Variants in DGKI observed in about 807,000 individuals in gnomAD.
DGKI encodes the protein DAG kinase iota.
A neutral mutation model predicts 147.5 loss-of-function variants in DGKI; 55 were observed. The observed-to-expected ratio is 0.37, with a 90% CI of 0.30 to 0.47. DGKI has a LOEUF of 0.47. Among genes scored for constraint, DGKI ranks in the 20% least tolerant of loss-of-function variants. The pLI is 1.00. For missense variants in DGKI, 1,007 were observed against 1,323.8 expected, an observed-to-expected ratio of 0.76 and a Z score of 3.71; for synonymous variants, 469 against 477.1, an observed-to-expected ratio of 0.98 and a Z score of 0.22.
chr7:137,687,672 G>C (rs899204741), intron 2 of DGKI, among the ~76,000 whole-genome samples: 2 of 152,156 alleles, frequency 1.3e-5, no homozygotes, highest in African/African-American at 4.8e-5. Flanking sequence ...TTTGCTTTCT[G>C]TTTGCTGACA....
At chr7:137,599,788 T>C (rs1421336925) in intron 11 of DGKI, 35 bp downstream of exon 11, 2 of 1,594,106 alleles carry the variant, frequency 1.3e-6, no homozygotes, top group Admixed American at 1.7e-5. Flanking sequence ...TTGCCTAAAA[T>C]ACATATGGAC....
chr7:137,843,667 G>A (rs944747547), intron 1 of DGKI, among the ~76,000 whole-genome samples: 2 of 151,654 alleles, frequency 1.3e-5, no homozygotes, highest in Non-Finnish European at 2.9e-5. Context: ...AAAGACAGGA[G>A]TCACTGCATA....
At chr7:137,558,992 G>A (rs1262109659) in intron 19 of DGKI, among the ~76,000 whole-genome samples, 1 of 147,346 alleles carries the variant, frequency 6.8e-6, no homozygotes, top group Non-Finnish European at 1.5e-5. Context: ...CATATGTAAA[G>A]TGATTACAGT....
intron 13 of DGKI, among the ~76,000 whole-genome samples, chr7:137,586,730 A>G (rs1479937948): frequency 1.3e-5 from 2 of 152,170 alleles, no homozygotes; most frequent in Non-Finnish European, 2.9e-5. Flanking sequence ...GTAAAGTTGA[A>G]CCAGATGTGC....
intron 7 of DGKI, among the ~76,000 whole-genome samples, chr7:137,622,677 T>C (rs762112573): frequency 6.6e-6 from 1 of 152,068 alleles, no homozygotes; most frequent in Non-Finnish European, 1.5e-5. Flanking sequence ...TTTACAAAAA[T>C]AGATGGCAGC....
intron 24 of DGKI, 26 bp downstream of exon 24, chr7:137,469,524 A>T: frequency 6.2e-7 from 1 of 1,613,026 alleles, no homozygotes; most frequent in Non-Finnish European, 8.5e-7. Flanking sequence ...AACTCCCACG[A>T]TACCCGCAAG....
At chr7:137,722,495 G>C (rs1794594120) in intron 1 of DGKI, 1 of 1,611,554 alleles carries the variant, frequency 6.2e-7, no homozygotes, top group Non-Finnish European at 8.5e-7. Context: ...CAGCTGGCTA[G>C]TGGCTTGTTA....
intron 13 of DGKI, among the ~76,000 whole-genome samples, chr7:137,586,288 C>G (rs1277154843): frequency 6.6e-6 from 1 of 152,008 alleles, no homozygotes; most frequent in African/African-American, 2.4e-5. Context: ...ATTAGCTGCA[C>G]AGGGTGGCGG....
chr7:137,493,930 A>G (rs1255160253), intron 21 of DGKI: 4 of 581,832 alleles, frequency 6.9e-6, no homozygotes, highest in Non-Finnish European at 1.2e-5. Context: ...ATTCTAAAGA[A>G]TACAATAAAA....
At chr7:137,746,952 A>G (rs1216847041) in intron 1 of DGKI, among the ~76,000 whole-genome samples, 2 of 152,268 alleles carry the variant, frequency 1.3e-5, no homozygotes, top group Middle Eastern at 6.8e-3. Context: ...TAGAATGGGG[A>G]AACCTAAAAG....
intron 10 of DGKI, 27 bp from the exon 11 acceptor site, chr7:137,599,932 C>A: frequency 1.9e-6 from 3 of 1,571,774 alleles, no homozygotes; most frequent in Non-Finnish European, 2.6e-6. Context: ...CACAAAAAGG[C>A]AATAATAGGA....
In DGKI at chr7:137,846,161, T is replaced by TCTCTCTCACACACACA. The variant is rs781580130; in HGVS notation, c.401+300_401+301insTGTGTGTGTGAGAGAG. ...CTCTCTCTCTCTCTCTCTCTCTCTC[T>TCTCTCTCACACACACA]CACACACACACACACACACACACAC... On this transcript the variant is annotated intron_variant, in intron 1 of 32. Coordinates refer to ENST00000614521, the MANE Select transcript of DGKI (RefSeq NM_001321708.2). The surrounding 1 kb of genome is among the most constrained non-coding windows in gnomAD (Gnocchi z 4.0). Among the ~76,000 whole-genome samples the TCTCTCTCACACACACA allele has an allele frequency of 1.0e-4, 11 of 108,182 alleles. No homozygotes were observed. Among genetic ancestry groups the TCTCTCTCACACACACA allele is most frequent in the Admixed American group, 3.2e-4 (3 of 9,282 alleles). 71.0% of individuals were successfully genotyped at this position (108,182 alleles called of 152,430 possible). A position where few individuals can be genotyped will look rare whatever the true frequency, so the allele number is the denominator to read the frequency against.
chr7:137,676,269 G>A (rs1823035401), intron 3 of DGKI, among the ~76,000 whole-genome samples: 2 of 152,132 alleles, frequency 1.3e-5, no homozygotes, highest in South Asian at 4.1e-4. Flanking sequence ...AATTTAATAG[G>A]CACATGAAGT....
intron 12 of DGKI, among the ~76,000 whole-genome samples, chr7:137,594,968 C>A (rs1297032312): frequency 2.0e-5 from 3 of 152,202 alleles, no homozygotes; most frequent in Non-Finnish European, 4.4e-5. Flanking sequence ...TGTGCCAACT[C>A]TAGGGTAAAC....
intron 28 of DGKI, among the ~76,000 whole-genome samples, chr7:137,417,484 G>A (rs764744993): frequency 1.3e-5 from 2 of 152,220 alleles, no homozygotes; most frequent in East Asian, 1.9e-4. Context: ...ACTTCCAGGA[G>A]AGAACTGCCA....
chr7:137,493,026 A>G (rs1458508608), intron 21 of DGKI, among the ~76,000 whole-genome samples: 1 of 151,824 alleles, frequency 6.6e-6, no homozygotes, highest in African/African-American at 2.4e-5. Flanking sequence ...CCACCCCCAT[A>G]CCATTTTGCC....
intron 3 of DGKI, among the ~76,000 whole-genome samples, chr7:137,659,333 T>C (rs1311841259): frequency 6.6e-6 from 1 of 152,230 alleles, no homozygotes; most frequent in Non-Finnish European, 1.5e-5. Flanking sequence ...GGGAAACTGT[T>C]TTAGCAAATC....
At chr7:137,728,485 C>T (rs1794775501) in intron 1 of DGKI, among the ~76,000 whole-genome samples, 1 of 152,158 alleles carries the variant, frequency 6.6e-6, no homozygotes, top group Non-Finnish European at 1.5e-5. Context: ...CTACTGCATT[C>T]TCCTCCTACT....
At chr7:137,793,308 T>C (rs1187738906) in intron 1 of DGKI, among the ~76,000 whole-genome samples, 1 of 94,394 alleles carries the variant, frequency 1.1e-5, no homozygotes. Context: ...CTTTTTTTTG[T>C]TTTTTTTTTT....
Sources: gnomAD v4.1 joint callset for allele counts (sites outside exome capture counted in the v4.1 genomes callset) on GRCh38, gnomAD v4.1.1 for gene constraint, Gnocchi (gnomAD v3.1) non-coding constraint, MANE v1.5 for transcripts, NCBI Gene and HGNC (gene_info 2026-07-23, HGNC 2026-07-21) for gene names.